Variants in MAGI2 observed in about 807,000 individuals in gnomAD.
The protein encoded by MAGI2 is membrane associated guanylate kinase, WW and PDZ domain containing 2.
MAGI2 carries 35 observed loss-of-function variants against 133.3 expected under a neutral mutation model. The ratio of observed to expected loss-of-function variants is 0.26; its 90% CI spans 0.20 to 0.35. The LOEUF is 0.35. Among genes scored for constraint, MAGI2 ranks in the 10% least tolerant of loss-of-function variants. The pLI, the probability that MAGI2 is intolerant of heterozygous loss-of-function variation, is 1.00. For missense variants in MAGI2, 1,636 were observed against 1,863.4 expected (o/e 0.88, Z 2.25); for synonymous variants, 729 against 710.6 (o/e 1.03, Z -0.41).
At chr7:78,395,562 GGGA>G (rs1796271609) in intron 6 of MAGI2, among the ~76,000 whole-genome samples, 1 of 152,154 alleles carries the variant, frequency 6.6e-6, no homozygotes, top group African/African-American at 2.4e-5. Flanking sequence ...GCTTAATGTA[GGGA>G]GGAGGTAGAA....
intron 2 of MAGI2, among the ~76,000 whole-genome samples, chr7:78,797,667 T>C (rs37868): frequency 0.8 from 122,464 of 152,154 alleles, 50,630 homozygotes; most frequent in East Asian, 0.96. Context: ...AAAAGGTTTT[T>C]AATGTTCAAA....
At chr7:78,671,509 A>G (rs1814388671) in intron 2 of MAGI2, among the ~76,000 whole-genome samples, 1 of 152,158 alleles carries the variant, frequency 6.6e-6, no homozygotes, top group African/African-American at 2.4e-5. Context: ...TCATTTAAAC[A>G]AACCTGTTAT....
chr7:78,393,537 T>A (rs1342861835), intron 6 of MAGI2, among the ~76,000 whole-genome samples: 3 of 152,218 alleles, frequency 2.0e-5, no homozygotes, highest in Non-Finnish European at 4.4e-5. Context: ...TTCTGTAAGC[T>A]ACTCAGTGGC....
chr7:78,239,378 A>G (rs1027083751), intron 10 of MAGI2, among the ~76,000 whole-genome samples: 1 of 152,170 alleles, frequency 6.6e-6, no homozygotes, highest in African/African-American at 2.4e-5. Flanking sequence ...GACCTCAAAA[A>G]CCCAAGTAAC....
chr7:79,397,733 G>T (rs1194860927), intron 1 of MAGI2, among the ~76,000 whole-genome samples: 1 of 151,970 alleles, frequency 6.6e-6, no homozygotes, highest in Non-Finnish European at 1.5e-5. Flanking sequence ...TTCATAAATT[G>T]CTTCTTCACA....
chr7:78,701,300 G>A (rs10246852), intron 2 of MAGI2, among the ~76,000 whole-genome samples: 1 of 151,864 alleles, frequency 6.6e-6, no homozygotes, highest in African/African-American at 2.4e-5. Context: ...ATTCCAGGAG[G>A]TGAATTATTA....
chr7:78,245,368 A>G (rs1791653923), intron 10 of MAGI2, among the ~76,000 whole-genome samples: 1 of 152,218 alleles, frequency 6.6e-6, no homozygotes, highest in Non-Finnish European at 1.5e-5. Flanking sequence ...AGTGCTAAAA[A>G]AGCGCCTAGC....
intron 1 of MAGI2, chr7:79,351,996 G>C (rs1020955350): frequency 6.6e-6 from 1 of 152,106 alleles, no homozygotes; most frequent in African/African-American, 2.4e-5. Context: ...TGTTTTTATT[G>C]AAATGCGTTC....
intron 1 of MAGI2, among the ~76,000 whole-genome samples, chr7:79,214,428 TATATATATATATATAA>T (rs1239649922): frequency 7.9e-6 from 1 of 127,374 alleles, no homozygotes; most frequent in Non-Finnish European, 1.6e-5. Flanking sequence ...TATATATATA[TATATATATATATATAA>T]ATATGCACAC....
At chr7:78,134,170 T>C (rs2150534380) in intron 17 of MAGI2, 1 of 152,288 alleles carries the variant, frequency 6.6e-6, no homozygotes, top group Middle Eastern at 3.4e-3. Flanking sequence ...ACCACCCCCG[T>C]TGAGAACTAC....
intron 21 of MAGI2, among the ~76,000 whole-genome samples, chr7:78,067,308 C>G (rs1813936704): frequency 6.6e-6 from 1 of 152,060 alleles, no homozygotes; most frequent in South Asian, 2.1e-4. Context: ...AGACCTCATG[C>G]CCAGAAGGTC....
chr7:78,407,277 T>C (rs1797465975), intron 6 of MAGI2, among the ~76,000 whole-genome samples: 1 of 152,024 alleles, frequency 6.6e-6, no homozygotes, highest in Admixed American at 6.6e-5. Flanking sequence ...TTCAGTTAAA[T>C]ATGCATCTGT....
chr7:78,191,152 A>AT (rs1051584204), intron 12 of MAGI2, among the ~76,000 whole-genome samples: 3 of 152,006 alleles, frequency 2.0e-5, no homozygotes, highest in African/African-American at 7.3e-5. Context: ...TTTTTTAGGG[A>AT]TTTTTTGGGC....
chr7:79,111,054 C>T (rs1261714749), intron 1 of MAGI2, among the ~76,000 whole-genome samples: 3 of 152,160 alleles, frequency 2.0e-5, no homozygotes, highest in Admixed American at 6.5e-5. Flanking sequence ...TCAGGTATTT[C>T]TTTATAGCAG....
intron 9 of MAGI2, among the ~76,000 whole-genome samples, chr7:78,336,082 C>T (rs1305742938): frequency 2.0e-5 from 3 of 152,068 alleles, no homozygotes; most frequent in African/African-American, 7.2e-5. Context: ...TAAACTAATC[C>T]ACTGTCTCTG....
chr7:78,261,247 A>T (rs761906597), intron 9 of MAGI2, among the ~76,000 whole-genome samples: 1 of 152,172 alleles, frequency 6.6e-6, no homozygotes, highest in East Asian at 1.9e-4. Context: ...TGAAGCTGGT[A>T]TCTTTACTAC....
At position 78,242,712 on chromosome 7, in the gene MAGI2, G is replaced by T. The variant is rs374217958; in HGVS notation, c.2047+13231C>A. Reference sequence around the variant, plus strand: ...TCAGTGATAGCTATTCTCTTTCATAGCTTAAATCTGTTTTGATAACTTCTT... The same window carrying T: ...TCAGTGATAGCTATTCTCTTTCATATCTTAAATCTGTTTTGATAACTTCTT... On this transcript the variant is annotated intron_variant, in intron 10 of 21. Coordinates refer to ENST00000354212, the MANE Select transcript of MAGI2 (RefSeq NM_012301.4). Among the ~76,000 whole-genome samples the T allele has an allele frequency of 7.9e-5, 12 of 152,026 alleles. No individual in the cohort carries two copies. The East Asian group carries it at 2.1e-3, about 27-fold the overall frequency.
At chr7:78,250,960 C>T (rs142178387) in intron 10 of MAGI2, among the ~76,000 whole-genome samples, 5 of 151,884 alleles carry the variant, frequency 3.3e-5, no homozygotes, top group African/African-American at 1.2e-4. Flanking sequence ...AAAAATCTTC[C>T]CCCAAACAGA....
intron 9 of MAGI2, among the ~76,000 whole-genome samples, chr7:78,296,001 C>G (rs1584765994): frequency 6.6e-6 from 1 of 152,114 alleles, no homozygotes; most frequent in Admixed American, 6.6e-5. Flanking sequence ...TGTATTTACT[C>G]TATGTCTCAC....
Sources: allele counts gnomAD v4.1 joint callset (sites outside exome capture counted in the v4.1 genomes callset), GRCh38; gene constraint gnomAD v4.1.1; transcripts MANE v1.5; gene names NCBI Gene and HGNC (gene_info 2026-07-23, HGNC 2026-07-21).